The following RORC variants were observed in gnomAD, a reference collection of about 807,000 sequenced individuals.
RORC encodes RAR related orphan receptor C.
Under a neutral mutation model 64.5 loss-of-function variants are expected in RORC, and 13 were observed. The observed-to-expected ratio is 0.20, with a 90% CI of 0.13 to 0.32. RORC has a LOEUF of 0.32. Ranked by LOEUF, RORC falls within the 10% of genes least tolerant of loss-of-function variation. The pLI, the probability that RORC is intolerant of heterozygous loss-of-function variation, is 1.00. For missense variants in RORC, 468 were observed against 669.5 expected, an observed-to-expected ratio of 0.70 and a Z score of 3.32; for synonymous variants, 277 against 259.3, an observed-to-expected ratio of 1.07 and a Z score of -0.65.
At chr1:151,821,383 A>G (rs569847024) in intron 2 of RORC, among the ~76,000 whole-genome samples, 4 of 152,292 alleles carry the variant, frequency 2.6e-5, no homozygotes, top group East Asian at 3.9e-4. Flanking sequence ...TGCCTCGTCA[A>G]TCTAGAGCTG....
chr1:151,811,514 G>A, intron 9 of RORC, 80 bp from the exon 10 acceptor site: 1 of 863,088 alleles, frequency 1.2e-6, no homozygotes, highest in East Asian at 2.5e-5. Flanking sequence ...TATCTTTGTG[G>A]ACATCTGTGC....
chr1:151,827,345 C>G (rs1169189555), intron 2 of RORC, among the ~76,000 whole-genome samples: 1 of 152,098 alleles, frequency 6.6e-6, no homozygotes, highest in African/African-American at 2.4e-5. Flanking sequence ...GGAGGTCCCT[C>G]GGTATGTGAG....
Position 151,816,730 on chromosome 1 carries a change from T to C in RORC, c.232A>G (p.Thr78Ala). 6.3e-7 allele frequency: 1 copy of C among 1,593,280 alleles called. No individual in the cohort carries two copies. ...CAGTGCTGGCATCGGTTTCGGCTGG[T>C]GCGGTCGATGGGGCAGTTCTGCTGA... The part of the protein sequence containing the change: ...TRQQNCPIDR[T>A]SRNRCQHCRL... The change falls in exon 4 of 11, where the codon ACC (threonine) becomes GCC (alanine). Residue 78 changes from threonine (T) to alanine (A), a missense_variant. Physicochemically the swap from Thr to Ala is moderately conservative, Grantham distance 58 (BLOSUM62 0). Around this residue, in one of 5 missense-constraint regions of RORC, gnomAD observed 241 missense variants for 295.5 expected, o/e 0.82. Coordinates refer to ENST00000318247, the MANE Select transcript of RORC (RefSeq NM_005060.4).
chr1:151,809,012 A>G (rs541231578), intron 10 of RORC, among the ~76,000 whole-genome samples: 30 of 152,292 alleles, frequency 2.0e-4, no homozygotes, highest in African/African-American at 7.2e-4. Context: ...TCAAGTGAGA[A>G]AAGAAGGCAG....
chr1:151,813,376 C>T, intron 7 of RORC, 30 bp from the exon 8 acceptor site: 1 of 1,610,190 alleles, frequency 6.2e-7, no homozygotes, highest in Middle Eastern at 1.7e-4. Flanking sequence ...GATGCAGGGA[C>T]AGTGTCAAGC....
intron 2 of RORC, among the ~76,000 whole-genome samples, chr1:151,829,215 A>C (rs1652313985): frequency 6.7e-6 from 1 of 148,732 alleles, no homozygotes; most frequent in Non-Finnish European, 1.5e-5. Context: ...GTTTCTTTAC[A>C]GTGTTTCCTT....
rs1652022818 is a variant in RORC, at chr1:151,822,278, TGCCA to T, written c.71-5002_71-4999del. 3.5e-5 allele frequency among the ~76,000 whole-genome samples: 5 copies of T among 142,672 alleles called. No homozygotes were observed. In the South Asian group the frequency reaches 1.3e-3, roughly 36 times the overall value. 93.6% of individuals were successfully genotyped at this position (142,672 alleles called of 152,430 possible). A position where few individuals can be genotyped will look rare whatever the true frequency, so the allele number is the denominator to read the frequency against. ...CAAAGCTGGAAACCAAGGTGGTGGG[TGCCA>T]CCACAGGGGAGCAGGAGCGGGAGGG... On this transcript the variant is annotated intron_variant, in intron 2 of 10. Coordinates refer to ENST00000318247, the MANE Select transcript of RORC (RefSeq NM_005060.4).
At chr1:151,821,087 G>A (rs1027841446) in intron 2 of RORC, among the ~76,000 whole-genome samples, 3 of 152,188 alleles carry the variant, frequency 2.0e-5, no homozygotes, top group African/African-American at 4.8e-5. Context: ...GGGGAAATAC[G>A]GTAGAGGCAA....
intron 1 of RORC, 55 bp from the exon 2 acceptor site, chr1:151,829,513 A>G: frequency 1.4e-6 from 2 of 1,434,258 alleles, no homozygotes; most frequent in Non-Finnish European, 1.8e-6. Flanking sequence ...TGAGGGGCTG[A>G]GACACTTTCC....
chr1:151,808,816 G>A (rs1388089505), intron 10 of RORC, among the ~76,000 whole-genome samples: 1 of 152,146 alleles, frequency 6.6e-6, no homozygotes, highest in Non-Finnish European at 1.5e-5. Context: ...TTTGTATGGG[G>A]TTACTGGTCA....
intron 1 of RORC, 168 bp downstream of exon 1, chr1:151,831,557 C>A: frequency 1.4e-6 from 1 of 722,296 alleles, no homozygotes; most frequent in Non-Finnish European, 1.7e-6. Context: ...CCCAGCCCCT[C>A]CTCCTGTTTC....
intron 4 of RORC, 137 bp downstream of exon 4, chr1:151,816,527 G>A: frequency 5.6e-6 from 5 of 896,192 alleles, no homozygotes; most frequent in Admixed American, 6.0e-5. Flanking sequence ...AGGAGACAAG[G>A]GGTTGTAACG....
Position 151,831,732 on chromosome 1 carries a change from G to T in RORC, c.33C>A (p.Ala11=), listed in dbSNP as rs151097632. The T allele has an allele frequency of 6.2e-7, 1 of 1,610,858 alleles. No individual in the cohort carries two copies. Among genetic ancestry groups the T allele is most frequent in the Admixed American group, 1.7e-5 (1 of 60,018 alleles). Residue 11 remains alanine, a synonymous_variant, in exon 1 of 11, where the codon GCC becomes GCA. Coordinates refer to ENST00000318247, the MANE Select transcript of RORC (RefSeq NM_005060.4). ...GGGCCATGGGCCTCTTACCCCGTGA[G>T]GCTCGGTGCTGTCTCTGTGGGGCCC... The part of the protein sequence containing the change: MDRAPQRQHR[A]SRELLAAKKT...
intron 10 of RORC, 56 bp downstream of exon 10, chr1:151,811,269 G>C (rs1651513782): frequency 1.7e-6 from 2 of 1,175,528 alleles, no homozygotes; most frequent in African/African-American, 3.0e-5. Context: ...CGCAAACTCT[G>C]ATGTTACAGA....
chr1:151,826,139 C>A (rs546659478), intron 2 of RORC: 1 of 1,255,802 alleles, frequency 8.0e-7, no homozygotes, highest in Non-Finnish European at 1.0e-6. Flanking sequence ...CAAGTGACAA[C>A]CCCCCACCCC....
chr1:151,818,089 T>C (rs1188450092), intron 2 of RORC, among the ~76,000 whole-genome samples: 1 of 152,192 alleles, frequency 6.6e-6, no homozygotes, highest in Non-Finnish European at 1.5e-5. Flanking sequence ...AACCTCTTCA[T>C]TTACCGATGA....
chr1:151,815,819 C>G (rs966304161), intron 4 of RORC, among the ~76,000 whole-genome samples: 5 of 152,150 alleles, frequency 3.3e-5, no homozygotes, highest in Admixed American at 3.3e-4. Flanking sequence ...AAGAGGAGAG[C>G]TGAGAACACA....
chr1:151,815,473 C>T (rs1471957088), intron 4 of RORC, 48 bp from the exon 5 acceptor site: 3 of 1,509,610 alleles, frequency 2.0e-6, no homozygotes, highest in Non-Finnish European at 2.7e-6. Flanking sequence ...GAGAACATGG[C>T]ACAGGGCAGG....
At chr1:151,813,391 C>A (rs750915883) in intron 7 of RORC, 45 bp from the exon 8 acceptor site, 33 of 1,608,686 alleles carry the variant, frequency 2.1e-5, no homozygotes, top group Non-Finnish European at 2.8e-5. Context: ...TCAAGCAAAG[C>A]CAGGATCTGA....
Sources: allele counts gnomAD v4.1 joint callset (sites outside exome capture counted in the v4.1 genomes callset), GRCh38; gene constraint gnomAD v4.1.1; regional missense constraint gnomAD v4.1.1; transcripts MANE v1.5; gene names NCBI Gene and HGNC (gene_info 2026-07-23, HGNC 2026-07-21).